The following KIAA0319 variants were observed in gnomAD, a reference collection of about 807,000 sequenced individuals.
KIAA0319 encodes the protein KIAA0319.
Under a neutral mutation model 108.4 loss-of-function variants are expected in KIAA0319, and 83 were observed. The ratio of observed to expected loss-of-function variants is 0.77; its 90% CI spans 0.64 to 0.92. The LOEUF (loss-of-function observed/expected upper bound fraction) is 0.92. Ranked by LOEUF, KIAA0319 falls within the 40% of genes least tolerant of loss-of-function variation. The pLI is 0.00. For synonymous variants in KIAA0319, 484 were observed against 510.4 expected, an observed-to-expected ratio of 0.95 and a Z score of 0.70; for missense variants, 1,195 against 1,322.4, an observed-to-expected ratio of 0.90 and a Z score of 1.49.
intron 1 of KIAA0319, among the ~76,000 whole-genome samples, chr6:24,605,531 TAGAA>T (rs1771275858): frequency 6.6e-6 from 1 of 152,194 alleles, no homozygotes; most frequent in Non-Finnish European, 1.5e-5. Flanking sequence ...AGAATTTACA[TAGAA>T]AGCCTGTCAA....
intron 1 of KIAA0319, among the ~76,000 whole-genome samples, chr6:24,638,722 G>A (rs7759747): frequency 2.0e-5 from 3 of 151,342 alleles, no homozygotes; most frequent in Non-Finnish European, 4.4e-5. Context: ...ATTGCGCCAC[G>A]GCACTCCAGC....
chr6:24,573,846 G>A (rs1245867393), intron 10 of KIAA0319, among the ~76,000 whole-genome samples: 1 of 152,210 alleles, frequency 6.6e-6, no homozygotes, highest in Non-Finnish European at 1.5e-5. Flanking sequence ...GCTGGGTGCA[G>A]TGGCTCATGC....
At chr6:24,553,294 TACACAC>T (rs71544276) in intron 19 of KIAA0319, among the ~76,000 whole-genome samples, 3,402 of 90,812 alleles carry the variant, frequency 0.037, 98 homozygotes, top group Middle Eastern at 0.077. Flanking sequence ...TATATATATA[TACACAC>T]ACACACACAC....
chr6:24,619,151 G>A (rs1340592805), intron 1 of KIAA0319, among the ~76,000 whole-genome samples: 1 of 152,320 alleles, frequency 6.6e-6, no homozygotes, highest in African/African-American at 2.4e-5. Flanking sequence ...ATGGGAGGCT[G>A]TATTATAGGT....
intron 12 of KIAA0319, among the ~76,000 whole-genome samples, chr6:24,569,306 A>G (rs985169988): frequency 2.2e-4 from 33 of 152,310 alleles, no homozygotes; most frequent in African/African-American, 7.7e-4. Flanking sequence ...AATAAGCCAG[A>G]TAAGCCCTCT....
intron 4 of KIAA0319, among the ~76,000 whole-genome samples, chr6:24,583,961 G>A (rs1767040953): frequency 6.6e-6 from 1 of 152,174 alleles, no homozygotes; most frequent in Non-Finnish European, 1.5e-5. Flanking sequence ...ACTGAGCAAC[G>A]TATTGAGTGA....
intron 18 of KIAA0319, 121 bp downstream of exon 18, chr6:24,556,486 A>G: frequency 3.7e-6 from 4 of 1,080,928 alleles, no homozygotes; most frequent in Non-Finnish European, 5.3e-6. Context: ...ATTTTTTTGT[A>G]AAGGTGAAGT....
At chr6:24,618,289 G>C (rs568981375) in intron 1 of KIAA0319, among the ~76,000 whole-genome samples, 3 of 152,066 alleles carry the variant, frequency 2.0e-5, no homozygotes, top group African/African-American at 7.2e-5. Flanking sequence ...ACCCCAGAGA[G>C]AACCTAGACA....
chr6:24,563,638 T>C, intron 15 of KIAA0319, 120 bp from the exon 16 acceptor site: 3 of 878,348 alleles, frequency 3.4e-6, no homozygotes, highest in Non-Finnish European at 4.9e-6. Context: ...ATTTGAGTTG[T>C]AGCACTCAGG....
intron 2 of KIAA0319, chr6:24,598,341 C>T: frequency 1.5e-6 from 1 of 668,322 alleles, no homozygotes; most frequent in Non-Finnish European, 2.8e-6. Context: ...ACAAGTTTAC[C>T]TCCTTTATCA....
chr6:24,568,481 GA>G (rs1490347565), intron 13 of KIAA0319, among the ~76,000 whole-genome samples: 2 of 152,014 alleles, frequency 1.3e-5, no homozygotes, highest in African/African-American at 2.4e-5. Context: ...AGGAATAAAG[GA>G]AAAAAAGCAT....
Position 24,564,137 on chromosome 6 carries a change from C to T in KIAA0319, c.2431+65G>A, listed in dbSNP as rs538777988. The T allele has an allele frequency of 6.8e-4, 1,090 of 1,600,082 alleles. 2 individuals carry two copies. Among genetic ancestry groups the T allele is most frequent in the Non-Finnish European group, 7.6e-4 (891 of 1,172,598 alleles). ...CTCCCACACTGGTCACATCTGTCAG[C>T]GTAAAGACCCCAAAGGCTGACCAGC... On this transcript the variant is annotated intron_variant, in intron 15 of 20. Transcript: ENST00000378214.
intron 1 of KIAA0319, among the ~76,000 whole-genome samples, chr6:24,611,072 C>T (rs1173062250): frequency 6.6e-6 from 1 of 151,858 alleles, no homozygotes; most frequent in Non-Finnish European, 1.5e-5. Context: ...ATGAAATATG[C>T]AGGATGGTCA....
At chr6:24,558,963 T>C in intron 17 of KIAA0319, 50 bp downstream of exon 17, 1 of 1,532,132 alleles carries the variant, frequency 6.5e-7, no homozygotes, top group South Asian at 1.2e-5. Context: ...GTCAAACTTA[T>C]CCATGATTGG....
At chr6:24,575,314 T>C (rs1025820052) in intron 10 of KIAA0319, among the ~76,000 whole-genome samples, 6 of 152,222 alleles carry the variant, frequency 3.9e-5, no homozygotes, top group Non-Finnish European at 7.3e-5. Context: ...TGGATGGATT[T>C]TGGAGTATTA....
intron 1 of KIAA0319, among the ~76,000 whole-genome samples, chr6:24,614,091 CTAAA>C (rs1772788663): frequency 6.6e-6 from 1 of 152,190 alleles, no homozygotes; most frequent in Non-Finnish European, 1.5e-5. Flanking sequence ...CGCAGGTCAA[CTAAA>C]AACAACCCCA....
At chr6:24,600,715 T>A (rs1326831933) in intron 2 of KIAA0319, 1 of 1,484,420 alleles carries the variant, frequency 6.7e-7, no homozygotes, top group African/African-American at 1.4e-5. Flanking sequence ...GCAAACTGAG[T>A]ATAATGAAAA....
In KIAA0319 at chr6:24,578,187, G is replaced by A. The variant is rs776035996; in HGVS notation, c.1428C>T (p.Pro476=). The change falls in exon 9 of 21, where the codon CCC becomes CCT. Residue 476 remains proline, a synonymous_variant. Coordinates refer to ENST00000378214, the MANE Select transcript of KIAA0319 (RefSeq NM_014809.4). ...CAACTGAAGTCTTCTCTTCTATGAA[G>A]GGCCCGTTTATTTCTTCCCAATGAT... ...VSYHWEEING[P]FIEEKTSVDS... is the part of the protein sequence containing the mutation. The A allele has an allele frequency of 1.9e-6, 3 of 1,610,196 alleles. No individual in the cohort carries two copies. Among genetic ancestry groups the A allele is most frequent in the Admixed American group, 3.3e-5 (2 of 59,902 alleles).
intron 1 of KIAA0319, among the ~76,000 whole-genome samples, chr6:24,625,364 G>A (rs1049517156): frequency 9.2e-5 from 14 of 151,870 alleles, no homozygotes; most frequent in Non-Finnish European, 1.3e-4. Context: ...GACCCAAAAA[G>A]CAAACATTAT....
Sources: allele counts gnomAD v4.1 joint callset (sites outside exome capture counted in the v4.1 genomes callset), GRCh38; gene constraint gnomAD v4.1.1; transcripts MANE v1.5; gene names NCBI Gene and HGNC (gene_info 2026-07-23, HGNC 2026-07-21).